Variants in TRAF3IP3 observed in about 807,000 individuals in gnomAD.
TRAF3IP3 encodes TRAF3-interacting JNK-activating modulator.
In TRAF3IP3, 64 loss-of-function variants were observed where a neutral mutation model predicts 86.5. That is an observed-to-expected ratio of 0.74 (90% CI 0.60 to 0.91). The LOEUF is 0.91. Ranked by LOEUF, TRAF3IP3 falls within the 40% of genes least tolerant of loss-of-function variation. The pLI is 0.00. For missense variants in TRAF3IP3, 579 were observed against 642.9 expected, an observed-to-expected ratio of 0.90 and a Z score of 1.07; for synonymous variants, 220 against 243.9, an observed-to-expected ratio of 0.90 and a Z score of 0.91.
chr1:209,761,611 T>G (rs1350168481), intron 3 of TRAF3IP3, among the ~76,000 whole-genome samples: 2 of 152,224 alleles, frequency 1.3e-5, no homozygotes, highest in African/African-American at 4.8e-5. Context: ...GCAAAAAACC[T>G]TCCCACAACT....
rs541419150 is a variant in TRAF3IP3, at chr1:209,777,243, T to A, written c.1054-109T>A. 7.6e-5 allele frequency: 70 copies of A among 920,930 alleles called. 1 individual carries two copies. The South Asian group carries it at 1.2e-3, about 15-fold the overall frequency. 57.0% of individuals were successfully genotyped at this position (920,930 alleles called of 1,614,324 possible). ...TCTCATCTCCCTAACATTCCTTCTATCTCTAAAATTCCAGACTTTTCTACA... is the reference window on the plus strand; with the variant it reads ...TCTCATCTCCCTAACATTCCTTCTAACTCTAAAATTCCAGACTTTTCTACA... On this transcript the variant is annotated intron_variant, in intron 11 of 16. Coordinates refer to ENST00000367025, the MANE Select transcript of TRAF3IP3 (RefSeq NM_025228.4).
At chr1:209,769,166 A>G (rs1281968849) in intron 8 of TRAF3IP3, among the ~76,000 whole-genome samples, 1 of 152,266 alleles carries the variant, frequency 6.6e-6, no homozygotes, top group Non-Finnish European at 1.5e-5. Flanking sequence ...CCCAAAATAC[A>G]GCAAGATAAA....
intron 8 of TRAF3IP3, among the ~76,000 whole-genome samples, chr1:209,770,466 GA>G (rs2077447705): frequency 7.4e-6 from 1 of 135,186 alleles, no homozygotes; most frequent in Admixed American, 7.3e-5. Flanking sequence ...TGTGCATGTG[GA>G]GGTGTGTGTG....
At chr1:209,758,399 A>G (rs565818289) in intron 1 of TRAF3IP3, 1 of 152,174 alleles carries the variant, frequency 6.6e-6, no homozygotes, top group African/African-American at 2.4e-5. Context: ...TTGAGTGTCC[A>G]GGGCTTGACC....
Position 209,775,479 on chromosome 1 carries a change from A to G in TRAF3IP3, c.905A>G (p.Gln302Arg), listed in dbSNP as rs2077632542. 1.2e-6 allele frequency: 2 copies of G among 1,614,120 alleles called. No homozygotes were observed. The highest frequency in any genetic ancestry group is 2.7e-5 in the African/African-American group (2 of 74,942). The change falls in exon 10 of 17, where the codon CAG becomes CGG. Residue 302 changes from glutamine to arginine, a missense_variant. Coordinates refer to ENST00000367025, the MANE Select transcript of TRAF3IP3 (RefSeq NM_025228.4). Reference sequence around the variant, plus strand: ...AAAATGAATGCAGAGCAGCAACTACAGAGCACACAGGTATGGGGATGCCAC... The same window carrying G: ...AAAATGAATGCAGAGCAGCAACTACGGAGCACACAGGTATGGGGATGCCAC... ...EEKMNAEQQL[Q>R]STQRSLALAE...
chr1:209,771,317 GTGTGCATGTGGAGGTGTATC>G (rs1342150461), intron 8 of TRAF3IP3, among the ~76,000 whole-genome samples: 245 of 149,622 alleles, frequency 1.6e-3, no homozygotes, highest in African/African-American at 4.8e-3. Flanking sequence ...GAAGGTGTGT[GTGTGCATGTGGAGGTGTATC>G]TGTGCATGTG....
At chr1:209,768,488 G>A (rs2077399063) in intron 8 of TRAF3IP3, 1 of 985,478 alleles carries the variant, frequency 1.0e-6, no homozygotes, top group African/African-American at 1.7e-5. Context: ...TTAAGATCTT[G>A]AGATGACAGC....
chr1:209,770,781 G>T (rs72741030), intron 8 of TRAF3IP3, among the ~76,000 whole-genome samples: 18,171 of 67,656 alleles, frequency 0.27, 2,114 homozygotes, highest in Non-Finnish European at 0.29. Flanking sequence ...GCCTATGGAG[G>T]TGTGTGTGTG....
intron 9 of TRAF3IP3, 46 bp from the exon 10 acceptor site, chr1:209,775,303 A>T: frequency 6.4e-7 from 1 of 1,556,536 alleles, no homozygotes; most frequent in Non-Finnish European, 8.7e-7. Context: ...AGGATTTGGC[A>T]CACAGAAGCT....
At chr1:209,781,641 G>A (rs921865435) in intron 16 of TRAF3IP3, 183 bp downstream of exon 16, 1 of 519,686 alleles carries the variant, frequency 1.9e-6, no homozygotes, top group South Asian at 2.3e-5. Context: ...GTCCATCAAA[G>A]CCCAACTTTC....
At chr1:209,773,308 C>T (rs1425886991) in intron 9 of TRAF3IP3, among the ~76,000 whole-genome samples, 1 of 152,200 alleles carries the variant, frequency 6.6e-6, no homozygotes, top group Non-Finnish European at 1.5e-5. Context: ...GAATACCTGA[C>T]ACTGTAGGGG....
At chr1:209,764,518 G>A (rs1257627508) in intron 8 of TRAF3IP3, among the ~76,000 whole-genome samples, 2 of 152,108 alleles carry the variant, frequency 1.3e-5, no homozygotes, top group Non-Finnish European at 2.9e-5. Flanking sequence ...GAGGCGGGTG[G>A]ATCACCTGAG....
chr1:209,774,491 T>G (rs1303720957), intron 9 of TRAF3IP3, among the ~76,000 whole-genome samples: 1 of 152,172 alleles, frequency 6.6e-6, no homozygotes, highest in African/African-American at 2.4e-5. Flanking sequence ...GGTCAATTTA[T>G]CAGAACTGAT....
In TRAF3IP3 at chr1:209,782,052, A is replaced by G; in HGVS notation, c.1564-4A>G. 1 of 1,613,322 alleles carries G rather than the reference A, an allele frequency of 6.2e-7. No individual in the cohort carries two copies. The highest frequency in any genetic ancestry group is 1.1e-5 in the South Asian group (1 of 91,054). ...CTTTCTTCTGTCTCCCTGTCCCCCT[A>G]CAGAGGCAATGTGGGCGATGGCTCC... is the stretch of plus-strand genomic sequence containing the variant. On this transcript the variant is annotated splice_region_variant and splice_polypyrimidine_tract_variant and intron_variant, in intron 16 of 16. Coordinates refer to ENST00000367025, the MANE Select transcript of TRAF3IP3 (RefSeq NM_025228.4).
At chr1:209,771,589 T>C (rs918650107) in intron 8 of TRAF3IP3, among the ~76,000 whole-genome samples, 1 of 123,270 alleles carries the variant, frequency 8.1e-6, no homozygotes, top group African/African-American at 3.2e-5. Flanking sequence ...CGTGTGCATG[T>C]GGAGGTGTGT....
intron 11 of TRAF3IP3, 21 bp downstream of exon 11, chr1:209,775,757 G>A: frequency 6.3e-7 from 1 of 1,598,774 alleles, no homozygotes; most frequent in South Asian, 1.1e-5. Flanking sequence ...CTGGGGGTGG[G>A]GAGGGAAGAC....
At position 209,777,849 on chromosome 1, in the gene TRAF3IP3, C is replaced by T. The variant is rs2077691383; in HGVS notation, c.1190-262C>T. The T allele has an allele frequency of 2.2e-5, 12 of 543,268 alleles. No individual in the cohort carries two copies. The East Asian group carries it at 3.7e-4, about 17-fold the overall frequency. The allele number at this position is 543,268 out of a possible 1,614,324, so 33.7% of individuals were successfully genotyped here. ...CATAGAGAAAGTCTCTCAGTCACAT[C>T]CTCTGTGTCCGCTGATAGAGAGGAC... is the stretch of plus-strand genomic sequence containing the variant. On this transcript the variant is annotated intron_variant, in intron 12 of 16. Transcript: ENST00000367025.
chr1:209,780,135 C>G (rs2077744615), intron 14 of TRAF3IP3: 1 of 169,490 alleles, frequency 5.9e-6, no homozygotes, highest in Non-Finnish European at 1.2e-5. Flanking sequence ...AAAGCATTTA[C>G]CAAACTTATT....
At chr1:209,781,744 A>G (rs546202569) in intron 16 of TRAF3IP3, 44 of 488,282 alleles carry the variant, frequency 9.0e-5, no homozygotes, top group African/African-American at 7.1e-4. Flanking sequence ...TGGCAAGAAC[A>G]GAAGGACACA....
Sources: gnomAD v4.1 joint callset for allele counts (sites outside exome capture counted in the v4.1 genomes callset) on GRCh38, gnomAD v4.1.1 for gene constraint, MANE v1.5 for transcripts, NCBI Gene and HGNC (gene_info 2026-07-23, HGNC 2026-07-21) for gene names.